The following PIEZO1 variants were observed in gnomAD, a reference collection of about 807,000 sequenced individuals.
PIEZO1 encodes the protein piezo type mechanosensitive ion channel component 1 (Er blood group).
In PIEZO1, 296 loss-of-function variants were observed where a neutral mutation model predicts 297.2. That is an observed-to-expected ratio of 1.00 (90% confidence interval 0.91 to 1.10). The LOEUF is 1.10. Ranked by LOEUF, PIEZO1 falls within the 50% of genes least tolerant of loss-of-function variation. PIEZO1 has a pLI of 0.00. For synonymous variants in PIEZO1, 2,427 were observed against 1,507.5 expected, an observed-to-expected ratio of 1.61 and a Z score of -14.13; for missense variants, 5,018 against 3,455.5, an observed-to-expected ratio of 1.45 and a Z score of -11.34.
In PIEZO1 at chr16:88,738,635, T is replaced by A; in HGVS notation, c.567A>T (p.Arg189=). ...TRRSRLAARF[R]VTAHWLLVAA... is the part of the protein sequence containing the mutation. Reference sequence around the variant, plus strand: ...CCACCAGCAGCCAGTGGGCCGTGACTCGGAAACGAGCGGCCAGCCGTGACC... The same window carrying A: ...CCACCAGCAGCCAGTGGGCCGTGACACGGAAACGAGCGGCCAGCCGTGACC... The change falls in exon 6 of 51, where the codon CGA becomes CGT. Residue 189 remains arginine (R), a synonymous_variant. Transcript: ENST00000301015. 1 of 1,535,660 alleles carries A rather than the reference T, an allele frequency of 6.5e-7. No homozygotes were observed. The highest frequency in any genetic ancestry group is 8.7e-7 in the Non-Finnish European group (1 of 1,146,732).
At chr16:88,772,918 G>C (rs1907490482) in intron 1 of PIEZO1, among the ~76,000 whole-genome samples, 1 of 152,188 alleles carries the variant, frequency 6.6e-6, no homozygotes, top group Non-Finnish European at 1.5e-5. Context: ...GCCATGGCAG[G>C]GCCAGCCTCC....
intron 31 of PIEZO1, 115 bp downstream of exon 31, chr16:88,723,756 G>C (rs890690349): frequency 6.2e-6 from 4 of 641,108 alleles, no homozygotes; most frequent in Non-Finnish European, 1.1e-5. Flanking sequence ...GCTAACTGGA[G>C]GTGGAGGAGC....
chr16:88,764,988 TCAA>T (rs1241915863), intron 1 of PIEZO1, among the ~76,000 whole-genome samples: 7 of 152,206 alleles, frequency 4.6e-5, no homozygotes, highest in Non-Finnish European at 7.3e-5. Flanking sequence ...CACTGCCTTC[TCAA>T]CACAGCTACC....
chr16:88,784,644 G>A (rs1008454052), intron 1 of PIEZO1, among the ~76,000 whole-genome samples: 3 of 151,532 alleles, frequency 2.0e-5, no homozygotes, highest in African/African-American at 7.3e-5. Context: ...GCGCTCGCTC[G>A]ACCGCCCCCG....
At chr16:88,782,487 G>C (rs989926460) in intron 1 of PIEZO1, among the ~76,000 whole-genome samples, 2 of 152,210 alleles carry the variant, frequency 1.3e-5, no homozygotes, top group African/African-American at 4.8e-5. Context: ...GACTGCTGAA[G>C]GAGGCCCCTG....
At chr16:88,748,217 C>G (rs1323327047) in intron 2 of PIEZO1, among the ~76,000 whole-genome samples, 1 of 76,814 alleles carries the variant, frequency 1.3e-5, no homozygotes, top group Non-Finnish European at 2.8e-5. Flanking sequence ...GAGGGCCCGG[C>G]CCCACCCACG....
intron 5 of PIEZO1, chr16:88,740,033 G>A (rs1905536166): frequency 6.8e-6 from 1 of 146,498 alleles, no homozygotes; most frequent in African/African-American, 2.4e-5. Context: ...CTTGGGGTGT[G>A]AGGCCACCGA....
intron 1 of PIEZO1, among the ~76,000 whole-genome samples, chr16:88,784,462 G>A (rs1017929087): frequency 1.3e-5 from 2 of 151,956 alleles, no homozygotes; most frequent in African/African-American, 4.8e-5. Context: ...CTCCCAGATT[G>A]TCAGGAAGTC....
At chr16:88,773,242 A>G (rs1241477467) in intron 1 of PIEZO1, among the ~76,000 whole-genome samples, 1 of 152,168 alleles carries the variant, frequency 6.6e-6, no homozygotes, top group Non-Finnish European at 1.5e-5. Flanking sequence ...CGCTCAGGGG[A>G]TCTGAGTAGA....
intron 35 of PIEZO1, 50 bp from the exon 36 acceptor site, chr16:88,722,447 C>T: frequency 6.8e-7 from 1 of 1,462,512 alleles, no homozygotes; most frequent in Non-Finnish European, 9.1e-7. Context: ...GGCCTGACCC[C>T]AGGCTACAGG....
intron 39 of PIEZO1, 74 bp from the exon 40 acceptor site, chr16:88,720,822 G>C (rs751922655): frequency 2.1e-6 from 3 of 1,409,026 alleles, no homozygotes; most frequent in Non-Finnish European, 1.9e-6. Flanking sequence ...ACCACCCTAA[G>C]AGGCTGGCAT....
chr16:88,782,939 A>G (rs933753785), intron 1 of PIEZO1, among the ~76,000 whole-genome samples: 11 of 152,210 alleles, frequency 7.2e-5, no homozygotes, highest in African/African-American at 2.7e-4. Flanking sequence ...CCCACGCCCC[A>G]TCCCCAGACA....
intron 5 of PIEZO1, 184 bp from the exon 6 acceptor site, chr16:88,738,920 A>G (rs1446655533): frequency 5.0e-6 from 3 of 602,740 alleles, no homozygotes; most frequent in Non-Finnish European, 8.8e-6. Flanking sequence ...ACACCTTCCT[A>G]CTTCCTCACT....
In PIEZO1 at chr16:88,732,915, C is replaced by G; in HGVS notation, c.2665-183G>C. The G allele has an allele frequency of 7.9e-6, 5 of 633,076 alleles. No individual in the cohort carries two copies. The South Asian group carries it at 9.9e-5, about 13-fold the overall frequency. 39.2% of individuals were successfully genotyped at this position (633,076 alleles called of 1,614,324 possible). On this transcript the variant is annotated intron_variant, in intron 19 of 50. Transcript: ENST00000301015. ...ACCAGGTGTTTGAGAAACAGGGAGA[C>G]CACGGGCAGGGGCTGGGGGAGTGAA...
chr16:88,776,608 G>T (rs1214322157), intron 1 of PIEZO1, among the ~76,000 whole-genome samples: 2 of 152,122 alleles, frequency 1.3e-5, no homozygotes, highest in African/African-American at 4.8e-5. Flanking sequence ...GGCATCTGGG[G>T]AGGCGAAGCC....
At chr16:88,749,118 T>C (rs984582118) in intron 2 of PIEZO1, among the ~76,000 whole-genome samples, 4 of 150,824 alleles carry the variant, frequency 2.7e-5, no homozygotes, top group Admixed American at 2.0e-4. Flanking sequence ...CGGGCGCCTG[T>C]AGTCCCAGCT....
In PIEZO1 at chr16:88,721,462, T is replaced by G. The variant is rs1304004204; in HGVS notation, c.5404-32A>C. 4 of 1,539,248 alleles carry G rather than the reference T, an allele frequency of 2.6e-6. No homozygotes were observed. The South Asian group carries it at 3.6e-5, about 14-fold the overall frequency. On this transcript the variant is annotated intron_variant, in intron 38 of 50. Transcript: ENST00000301015. ...GGCGGGAGGGTGTGGTGAGGGGGCC[T>G]TGCCTCCCTGGTGGAGAGCACAGGT...
At chr16:88,726,516 G>C (rs759185127) in intron 26 of PIEZO1, 31 bp downstream of exon 26, 1 of 1,546,012 alleles carries the variant, frequency 6.5e-7, no homozygotes, top group Non-Finnish European at 8.7e-7. Flanking sequence ...GCTTCCCCAC[G>C]CCCTCCCCCG....
chr16:88,733,549 C>G (rs1210204591), intron 18 of PIEZO1, 39 bp downstream of exon 18: 1 of 1,528,136 alleles, frequency 6.5e-7, no homozygotes, highest in South Asian at 1.2e-5. Flanking sequence ...CAGAGCGACC[C>G]CACCCCAGAT....
Sources: allele counts gnomAD v4.1 joint callset (sites outside exome capture counted in the v4.1 genomes callset), GRCh38; gene constraint gnomAD v4.1.1; transcripts MANE v1.5; gene names NCBI Gene and HGNC (gene_info 2026-07-23, HGNC 2026-07-21).